The following PDGFC variants were observed in gnomAD, a reference collection of about 807,000 sequenced individuals.
PDGFC encodes platelet derived growth factor C.
Under a neutral mutation model 35.5 loss-of-function variants are expected in PDGFC, and 12 were observed. The ratio of observed to expected loss-of-function variants is 0.34; its 90% CI spans 0.22 to 0.55. The LOEUF is 0.55. PDGFC is among the 20% of genes least tolerant of loss of function. The probability of loss-of-function intolerance (pLI) is 0.91; values close to 1 mark genes in which losing one functional copy is unlikely to be tolerated. For missense variants in PDGFC, 322 were observed against 412.4 expected (o/e 0.78, Z 1.90); for synonymous variants, 159 against 148.8 (o/e 1.07, Z -0.50).
intron 3 of PDGFC, among the ~76,000 whole-genome samples, chr4:156,798,440 A>G (rs1731507573): frequency 6.6e-6 from 1 of 152,120 alleles, no homozygotes. Context: ...TAGAGGAAAC[A>G]GTGAATGGCA....
intron 1 of PDGFC, among the ~76,000 whole-genome samples, chr4:156,949,168 A>G (rs1352330260): frequency 6.6e-6 from 1 of 151,942 alleles, no homozygotes; most frequent in East Asian, 1.9e-4. Context: ...GTCTCCTACT[A>G]TTAAGAATTC....
At chr4:156,845,374 T>C (rs1320129413) in intron 2 of PDGFC, among the ~76,000 whole-genome samples, 2 of 151,406 alleles carry the variant, frequency 1.3e-5, no homozygotes, top group Non-Finnish European at 3.0e-5. Context: ...TGTAAGAAAA[T>C]AAATTAAAAA....
chr4:156,762,625 CAA>C lies in PDGFC; in HGVS notation c.*463_*464del, dbSNP rs879026361. On this transcript the variant is annotated 3_prime_UTR_variant, in exon 6 of 6. Transcript: ENST00000502773. ...TCTGGTTTACATATGTGAATATGAG[CAA>C]AAAAAAAAAAAAAAATCCAGATTTT... 2.7e-3 allele frequency: 274 copies of C among 103,382 alleles called. 1 individual carries two copies. Among genetic ancestry groups the C allele is most frequent in the African/African-American group, 7.0e-3 (217 of 31,044 alleles). 6.4% of individuals were successfully genotyped at this position (103,382 alleles called of 1,614,324 possible).
chr4:156,925,609 A>G (rs1731389879), intron 1 of PDGFC, among the ~76,000 whole-genome samples: 1 of 152,140 alleles, frequency 6.6e-6, no homozygotes, highest in Non-Finnish European at 1.5e-5. Flanking sequence ...ATCTCTGCAG[A>G]TAGATAATTA....
At chr4:156,889,984 T>C (rs1050952154) in intron 1 of PDGFC, among the ~76,000 whole-genome samples, 3 of 152,194 alleles carry the variant, frequency 2.0e-5, no homozygotes, top group Admixed American at 6.6e-5. Flanking sequence ...TGACGATTAT[T>C]TTTTAACTCT....
intron 2 of PDGFC, among the ~76,000 whole-genome samples, chr4:156,814,337 A>G (rs1321960012): frequency 6.6e-6 from 1 of 152,126 alleles, no homozygotes; most frequent in African/African-American, 2.4e-5. Flanking sequence ...AAGCATCCTG[A>G]GAAGGAGCAG....
At chr4:156,870,156 A>C (rs988601825) in intron 1 of PDGFC, among the ~76,000 whole-genome samples, 3 of 152,154 alleles carry the variant, frequency 2.0e-5, no homozygotes, top group Non-Finnish European at 4.4e-5. Context: ...TAAATTAAGA[A>C]TCCACTTAAC....
chr4:156,849,862 T>A (rs1382916807), intron 2 of PDGFC, among the ~76,000 whole-genome samples: 1 of 152,090 alleles, frequency 6.6e-6, no homozygotes, highest in African/African-American at 2.4e-5. Context: ...AGGTCAAATA[T>A]AAGATTTTTA....
chr4:156,927,271 T>C (rs767836580), intron 1 of PDGFC, among the ~76,000 whole-genome samples: 3 of 152,158 alleles, frequency 2.0e-5, no homozygotes, highest in Non-Finnish European at 4.4e-5. Context: ...CATGAAGACC[T>C]ATGACATGCC....
chr4:156,956,987 A>T (rs922057740), intron 1 of PDGFC, among the ~76,000 whole-genome samples: 1 of 152,038 alleles, frequency 6.6e-6, no homozygotes, highest in East Asian at 1.9e-4. Context: ...AAAAATGGCG[A>T]GAAGCTGTTC....
chr4:156,938,503 C>G (rs1731734241), intron 1 of PDGFC, among the ~76,000 whole-genome samples: 1 of 151,954 alleles, frequency 6.6e-6, no homozygotes, highest in Non-Finnish European at 1.5e-5. Flanking sequence ...CCATAGATTT[C>G]TTTATAATAT....
rs1012880528 is a variant in PDGFC at position 156,761,337 on chromosome 4, C to T, written c.*1753G>A. The T allele has an allele frequency of 1.3e-5, 2 of 152,158 alleles. No individual in the cohort carries two copies. The highest frequency in any genetic ancestry group is 4.8e-5 in the African/African-American group (2 of 41,440). 9.4% of individuals were successfully genotyped at this position (152,158 alleles called of 1,614,324 possible). A position where few individuals can be genotyped will look rare whatever the true frequency, so the allele number is the denominator to read the frequency against. ...CTGCAAGTTTTTTTCCAGTTTCATA[C>T]TACCATACCACCTATCACCAAGCAT... On this transcript the variant is annotated 3_prime_UTR_variant, in exon 6 of 6. Transcript: ENST00000502773.
chr4:156,847,803 TG>T (rs535881810), intron 2 of PDGFC, among the ~76,000 whole-genome samples: 53 of 72,534 alleles, frequency 7.3e-4, no homozygotes, highest in African/African-American at 6.6e-3. Context: ...TAAAATAAGG[TG>T]AGATTTGCTT....
intron 1 of PDGFC, among the ~76,000 whole-genome samples, chr4:156,886,339 A>C (rs1730375012): frequency 1.3e-5 from 2 of 152,204 alleles, no homozygotes; most frequent in Non-Finnish European, 2.9e-5. Flanking sequence ...TAAAAGACCA[A>C]AAGGTTAACT....
intron 1 of PDGFC, among the ~76,000 whole-genome samples, chr4:156,898,069 T>C (rs1207610651): frequency 1.3e-5 from 2 of 152,182 alleles, no homozygotes; most frequent in Non-Finnish European, 2.9e-5. Context: ...CCCAATGTGA[T>C]GGCATTTGGA....
chr4:156,914,491 C>G (rs1009710533), intron 1 of PDGFC, among the ~76,000 whole-genome samples: 2 of 152,200 alleles, frequency 1.3e-5, no homozygotes, highest in African/African-American at 4.8e-5. Context: ...GTTACTTATA[C>G]TCCCTGGACT....
In PDGFC at chr4:156,840,502, G is replaced by A. The variant is rs188704777; in HGVS notation, c.314+9719C>T. On this transcript the variant is annotated intron_variant, in intron 2 of 5. Transcript: ENST00000502773. Reference sequence around the variant, plus strand: ...GGCAGAAGTCTCCTGCAGGGGTGGAGCCCTCATGGAGAACCTTTGCTAGGG... The same window carrying A: ...GGCAGAAGTCTCCTGCAGGGGTGGAACCCTCATGGAGAACCTTTGCTAGGG... Among the ~76,000 whole-genome samples, 675 of 152,332 alleles carry A rather than the reference G, an allele frequency of 4.4e-3. 3 individuals carry two copies. Among genetic ancestry groups the A allele is most frequent in the Non-Finnish European group, 5.9e-3 (403 of 68,030 alleles).
At chr4:156,856,786 C>A (rs972155568) in intron 1 of PDGFC, among the ~76,000 whole-genome samples, 1 of 152,114 alleles carries the variant, frequency 6.6e-6, no homozygotes, top group African/African-American at 2.4e-5. Flanking sequence ...ATATGATTTA[C>A]AATTTATAGA....
intron 1 of PDGFC, among the ~76,000 whole-genome samples, chr4:156,853,344 C>T (rs1299605628): frequency 6.6e-6 from 1 of 152,114 alleles, no homozygotes; most frequent in African/African-American, 2.4e-5. Context: ...ATTAGTTAGA[C>T]TATGACTAAG....
Sources: allele counts gnomAD v4.1 joint callset (sites outside exome capture counted in the v4.1 genomes callset), GRCh38; gene constraint gnomAD v4.1.1; transcripts MANE v1.5; gene names NCBI Gene and HGNC (gene_info 2026-07-23, HGNC 2026-07-21).